Variants in GSN observed in about 807,000 individuals in gnomAD.
GSN encodes actin-depolymerizing factor.
GSN carries 56 observed loss-of-function variants against 85.7 expected under a neutral mutation model. The observed-to-expected ratio is 0.65, with a 90% CI of 0.53 to 0.82. The LOEUF (loss-of-function observed/expected upper bound fraction) is 0.82, where lower values mean the gene tolerates loss of function less well. Ranked by LOEUF, GSN falls within the 40% of genes least tolerant of loss-of-function variation. The pLI, the probability that GSN is intolerant of heterozygous loss-of-function variation, is 0.00. For missense variants in GSN, 857 were observed against 979.8 expected, an observed-to-expected ratio of 0.87 and a Z score of 1.67; for synonymous variants, 373 against 399.1, an observed-to-expected ratio of 0.93 and a Z score of 0.78.
At chr9:121,226,643 C>T (rs766884263) in intron 4 of GSN, among the ~76,000 whole-genome samples, 1 of 152,232 alleles carries the variant, frequency 6.6e-6, no homozygotes, top group Non-Finnish European at 1.5e-5. Flanking sequence ...TTTCCTGAGA[C>T]ATAGGTGAAC....
chr9:121,312,235 A>C, intron 5 of GSN, 104 bp from the exon 6 acceptor site: 6 of 1,252,064 alleles, frequency 4.8e-6, no homozygotes, highest in Non-Finnish European at 7.0e-6. Flanking sequence ...GCAAGTGCAG[A>C]ACAGGGTGAG....
intron 1 of GSN, among the ~76,000 whole-genome samples, chr9:121,269,836 TG>T (rs1406328185): frequency 6.6e-6 from 1 of 152,188 alleles, no homozygotes; most frequent in East Asian, 1.9e-4. Context: ...GAGGGGTGGC[TG>T]CAGGGTTTGC....
At chr9:121,287,134 CTT>C (rs2132760777) in intron 2 of GSN, among the ~76,000 whole-genome samples, 1 of 152,316 alleles carries the variant, frequency 6.6e-6, no homozygotes, top group Admixed American at 6.5e-5. Flanking sequence ...GGCCTATTCT[CTT>C]CCCCAGATCA....
At chr9:121,326,888 CTT>C (rs2063265974) in intron 13 of GSN, 7 of 735,554 alleles carry the variant, frequency 9.5e-6, no homozygotes, top group Admixed American at 7.7e-5. Context: ...CCCTTGCACA[CTT>C]TGCACAGTGG....
intron 5 of GSN, among the ~76,000 whole-genome samples, chr9:121,243,739 A>C (rs1221536664): frequency 1.3e-5 from 2 of 152,068 alleles, no homozygotes; most frequent in Non-Finnish European, 2.9e-5. Context: ...CACCACGCCC[A>C]GTTAATTTTT....
intron 5 of GSN, among the ~76,000 whole-genome samples, chr9:121,245,123 T>G (rs1230969822): frequency 2.0e-5 from 3 of 152,168 alleles, no homozygotes; most frequent in Non-Finnish European, 4.4e-5. Context: ...AAAGAAGACT[T>G]TAGTGACCTT....
At position 121,299,697 on chromosome 9, in the gene GSN, C is replaced by T. The variant is rs2059579879; in HGVS notation, c.-9-2266C>T. The T allele has an allele frequency of 1.9e-5, 17 of 881,790 alleles. No homozygotes were observed. The highest frequency in any genetic ancestry group is 2.3e-5 in the Non-Finnish European group (16 of 693,298). 54.6% of individuals were successfully genotyped at this position (881,790 alleles called of 1,614,324 possible). On this transcript the variant is annotated intron_variant, in intron 2 of 17. Transcript: ENST00000432226. This position sits in a 1 kb window ranked among gnomAD's most constrained non-coding sequence, Gnocchi z 4.2. ...CAGGGGCTGCCGCGCCCTGTCGGGT[C>T]GATCCGGGTGGGAACCCAGATGTCT...
intron 6 of GSN, among the ~76,000 whole-genome samples, chr9:121,256,168 A>C (rs533095493): frequency 7.1e-4 from 108 of 152,294 alleles, no homozygotes; most frequent in Non-Finnish European, 1.3e-3. Context: ...GCGGGAGGGG[A>C]AGGCTATGTG....
rs770494341 is a variant in GSN, at chr9:121,310,811, A to G, written c.479A>G (p.Asn160Ser). 7 of 1,614,034 alleles carry G rather than the reference A, an allele frequency of 4.3e-6. No homozygotes were observed. The highest frequency in any genetic ancestry group is 2.2e-5 in the East Asian group (1 of 44,892). ...GTACCTGTGTCCTGGGAGAGCTTCA[A>G]CAATGGCGACTGCTTCATCCTGGAC... ...TEVPVSWESF[N>S]NGDCFILDLG... Residue 160 changes from asparagine to serine, a missense_variant, in exon 5 of 18, where the codon AAC (asparagine) becomes AGC (serine). By Grantham distance (46) the Asn-to-Ser change is conservative. Coordinates refer to ENST00000432226, the MANE Select transcript of GSN (RefSeq NM_198252.3).
chr9:121,332,021 A>G lies in GSN; in HGVS notation c.2027-413A>G, dbSNP rs923024066. 9.9e-6 allele frequency: 3 copies of G among 303,410 alleles called. No homozygotes were observed. The highest frequency in any genetic ancestry group is 1.9e-5 in the Non-Finnish European group (3 of 154,326). 18.8% of individuals were successfully genotyped at this position (303,410 alleles called of 1,614,324 possible). A position where few individuals can be genotyped will look rare whatever the true frequency, so the allele number is the denominator to read the frequency against. On this transcript the variant is annotated intron_variant, in intron 17 of 17. Transcript: ENST00000432226. This position sits in a 1 kb window ranked among gnomAD's most constrained non-coding sequence, Gnocchi z 4.8. ...CTGTGAGCCATGATCGCACCACTAT[A>G]CTGTAGCCTGGGTGACAGAATGAGA... is the stretch of plus-strand genomic sequence containing the variant.
chr9:121,321,210 G>A, intron 10 of GSN, 58 bp from the exon 11 acceptor site: 1 of 1,602,528 alleles, frequency 6.2e-7, no homozygotes. Context: ...TTCCTGGCTT[G>A]CCTGAGCTGG....
chr9:121,303,864 A>G (rs184700715), intron 4 of GSN, among the ~76,000 whole-genome samples: 8 of 152,364 alleles, frequency 5.3e-5, no homozygotes, highest in Admixed American at 4.6e-4. Context: ...AGGCTTTCAC[A>G]GCCAGGTGGG....
At chr9:121,245,383 G>T (rs182110823) in intron 5 of GSN, among the ~76,000 whole-genome samples, 18 of 152,106 alleles carry the variant, frequency 1.2e-4, no homozygotes, top group Middle Eastern at 3.4e-3. Flanking sequence ...TTGAGTCAGG[G>T]TCTCACTCTG....
intron 4 of GSN, among the ~76,000 whole-genome samples, chr9:121,223,320 T>A (rs1156883398): frequency 6.6e-6 from 1 of 151,870 alleles, no homozygotes; most frequent in Non-Finnish European, 1.5e-5. Flanking sequence ...GGGGTCCCTC[T>A]CCTGCCCTGC....
chr9:121,305,203 A>T (rs908541300), intron 4 of GSN, among the ~76,000 whole-genome samples: 2 of 152,174 alleles, frequency 1.3e-5, no homozygotes, highest in South Asian at 2.1e-4. Context: ...CCGTGTGTTA[A>T]GCCTTGACTA....
intron 10 of GSN, among the ~76,000 whole-genome samples, chr9:121,320,348 A>G (rs763396259): frequency 6.6e-6 from 1 of 152,220 alleles, no homozygotes; most frequent in Non-Finnish European, 1.5e-5. Flanking sequence ...CAGGTGACCT[A>G]TGAAATTCCT....
chr9:121,310,354 T>G, intron 4 of GSN: 1 of 358,126 alleles, frequency 2.8e-6, no homozygotes, highest in Non-Finnish European at 5.3e-6. Flanking sequence ...GTTTTTTTGA[T>G]TTAGAAAGTG....
In GSN at chr9:121,331,319, C is replaced by G. The variant is rs1589262079; in HGVS notation, c.1966-69C>G. ...TCTGGTCTGATACCTGGCCCCTCCC[C>G]AGTCTTCCTCCAGCCGTGAATTTGA... is the stretch of plus-strand genomic sequence containing the variant. On this transcript the variant is annotated intron_variant, in intron 16 of 17. Transcript: ENST00000432226. The G allele has an allele frequency of 1.5e-5, 14 of 950,496 alleles. No individual in the cohort carries two copies. In the South Asian group the frequency reaches 1.8e-4, roughly 12 times the overall value. 58.9% of individuals were successfully genotyped at this position (950,496 alleles called of 1,614,324 possible). A position where few individuals can be genotyped will look rare whatever the true frequency, so the allele number is the denominator to read the frequency against.
chr9:121,225,964 C>T (rs1231818706), intron 4 of GSN, among the ~76,000 whole-genome samples: 1 of 152,156 alleles, frequency 6.6e-6, no homozygotes, highest in Non-Finnish European at 1.5e-5. Flanking sequence ...GCCACCATGC[C>T]TGGCTAAGTT....
Sources: allele counts gnomAD v4.1 joint callset (sites outside exome capture counted in the v4.1 genomes callset), GRCh38; gene constraint gnomAD v4.1.1; non-coding constraint Gnocchi (gnomAD v3.1); transcripts MANE v1.5; gene names NCBI Gene and HGNC (gene_info 2026-07-23, HGNC 2026-07-21).